BTBD8: variants seen among roughly 807,000 people sequenced by gnomAD.
BTBD8 encodes the protein BTB/POZ domain-containing protein 8.
BTBD8 carries 110 observed loss-of-function variants against 162.9 expected under a neutral mutation model. The ratio of observed to expected loss-of-function variants is 0.68; its 90% confidence interval spans 0.58 to 0.79. The LOEUF is 0.79. BTBD8 is among the 30% of genes least tolerant of loss of function. The pLI, the probability that BTBD8 is intolerant of heterozygous loss-of-function variation, is 0.00. For missense variants in BTBD8, 1,905 were observed against 2,085.4 expected, an observed-to-expected ratio of 0.91 and a Z score of 1.68; for synonymous variants, 667 against 716.1, an observed-to-expected ratio of 0.93 and a Z score of 1.10.
rs138363969 is a variant in BTBD8, at chr1:92,166,110, G to A, written c.1123-848G>A. Among the ~76,000 whole-genome samples the A allele has an allele frequency of 1.4e-3, 210 of 152,152 alleles. 1 individual carries two copies. The highest frequency in any genetic ancestry group is 4.8e-3 in the African/African-American group (199 of 41,472). ...CCATTTTCCATAGAGATCAATATTTGTGAATGTTTTTTTCCATAGTAATGA... is the reference window on the plus strand; with the variant it reads ...CCATTTTCCATAGAGATCAATATTTATGAATGTTTTTTTCCATAGTAATGA... On this transcript the variant is annotated intron_variant, in intron 9 of 17. Transcript: ENST00000636805.
At chr1:92,091,663 T>G (rs1442572261) in intron 2 of BTBD8, among the ~76,000 whole-genome samples, 1 of 152,104 alleles carries the variant, frequency 6.6e-6, no homozygotes, top group Non-Finnish European at 1.5e-5. Flanking sequence ...CCTAGGCTGG[T>G]CTCTTAACTC....
chr1:92,105,243 TATTTTTTA>T (rs1385633034), intron 3 of BTBD8, among the ~76,000 whole-genome samples: 1 of 151,908 alleles, frequency 6.6e-6, no homozygotes, highest in East Asian at 1.9e-4. Context: ...CTTATTTTTT[TATTTTTTA>T]AATTTTTATT....
chr1:92,176,854 G>A lies in BTBD8; in HGVS notation c.1661G>A (p.Gly554Asp), dbSNP rs1450186138. Residue 554 changes from glycine to aspartate, a missense_variant, in exon 14 of 18, where the codon GGT becomes GAT. Around this residue, in one of 3 missense-constraint regions of BTBD8, gnomAD observed 1,374 missense variants for 1,442.7 expected, o/e 0.95. Coordinates refer to ENST00000636805, the MANE Select transcript of BTBD8 (RefSeq NM_001376131.1). Reference protein sequence around the residue: ...SQQRKQVSDSGDIKIKSWRGN... With the variant: ...SQQRKQVSDSDDIKIKSWRGN... The stretch of plus-strand genomic sequence containing the variant: ...CAAAGGAAACAAGTTTCTGACTCTG[G>A]TGATATAAAAATCAAATCTTGGAGG... 5 of 1,455,482 alleles carry A rather than the reference G, an allele frequency of 3.4e-6. No homozygotes were observed. The highest frequency in any genetic ancestry group is 1.5e-5 in the South Asian group (1 of 66,838). The allele number at this position is 1,455,482 out of a possible 1,614,324, so 90.2% of individuals were successfully genotyped here. A position where few individuals can be genotyped will look rare whatever the true frequency, so the allele number is the denominator to read the frequency against.
chr1:92,122,265 AT>A (rs66837514), intron 4 of BTBD8, among the ~76,000 whole-genome samples: 105,951 of 146,676 alleles, frequency 0.72, 38,651 homozygotes, highest in East Asian at 0.96. Flanking sequence ...TATTATTATT[AT>A]TTTTTTTTTT....
chr1:92,181,410 C>T lies in BTBD8; in HGVS notation c.3727C>T (p.His1243Tyr). The change falls in exon 17 of 18, where the codon CAT becomes TAT. Residue 1243 changes from histidine to tyrosine, a missense_variant. By Grantham distance (83) the His-to-Tyr change is moderately conservative. Transcript: ENST00000636805. ...CTGGAATTTGAGTACTGGTGTTCTGCATCAGCGAGAGAGTCCTGAATCTGA... is the reference window on the plus strand; with the variant it reads ...CTGGAATTTGAGTACTGGTGTTCTGTATCAGCGAGAGAGTCCTGAATCTGA... ...GHWNLSTGVL[H>Y]QRESPESDTG... 1 of 1,551,654 alleles carries T rather than the reference C, an allele frequency of 6.4e-7. No individual in the cohort carries two copies.
rs1650613930 is a variant in BTBD8, at chr1:92,173,376, TATTATACG to T, written c.1635+1920_1635+1927del. ...GGGTCCCGACAACCCTTTTAAAGCA[TATTATACG>T]ATTCCACAGAACATACTCTAGGAAA... On this transcript the variant is annotated intron_variant, in intron 13 of 17. Transcript: ENST00000636805. 2.0e-5 allele frequency among the ~76,000 whole-genome samples: 3 copies of T among 152,238 alleles called. No individual in the cohort carries two copies. In the South Asian group the frequency reaches 6.2e-4, roughly 31 times the overall value.
At chr1:92,158,782 A>T (rs1002339660) in intron 9 of BTBD8, among the ~76,000 whole-genome samples, 1 of 151,818 alleles carries the variant, frequency 6.6e-6, no homozygotes, top group African/African-American at 2.4e-5. Flanking sequence ...AAAAAAATGA[A>T]AAAAAAAATT....
intron 9 of BTBD8, among the ~76,000 whole-genome samples, chr1:92,165,806 GCCT>G (rs1650371237): frequency 6.6e-6 from 1 of 152,156 alleles, no homozygotes; most frequent in South Asian, 2.1e-4. Context: ...GCTTCTTGAG[GCCT>G]AGGCTCTAGA....
chr1:92,146,037 A>G (rs1649909996), intron 7 of BTBD8, among the ~76,000 whole-genome samples: 1 of 152,088 alleles, frequency 6.6e-6, no homozygotes, highest in African/African-American at 2.4e-5. Flanking sequence ...CTTATCTGAG[A>G]TCAATATAGG....
chr1:92,152,598 C>G (rs1229091471), intron 9 of BTBD8, among the ~76,000 whole-genome samples: 1 of 152,000 alleles, frequency 6.6e-6, no homozygotes, highest in East Asian at 1.9e-4. Context: ...GAAGATGAGT[C>G]TGGGGACAGG....
chr1:92,149,947 C>T (rs552065721), intron 9 of BTBD8, among the ~76,000 whole-genome samples: 3 of 152,274 alleles, frequency 2.0e-5, no homozygotes, highest in African/African-American at 4.8e-5. Flanking sequence ...CCCAACATTA[C>T]GTCCATCTTT....
rs1651022833 is a variant in BTBD8 at position 92,184,352 on chromosome 1, T to G, written c.*22T>G. 2 of 1,446,086 alleles carry G rather than the reference T, an allele frequency of 1.4e-6. No homozygotes were observed. Among genetic ancestry groups the G allele is most frequent in the East Asian group, 2.5e-5 (1 of 40,218 alleles). The allele number at this position is 1,446,086 out of a possible 1,614,324, so 89.6% of individuals were successfully genotyped here. A position where few individuals can be genotyped will look rare whatever the true frequency, so the allele number is the denominator to read the frequency against. On this transcript the variant is annotated 3_prime_UTR_variant, in exon 18 of 18. Transcript: ENST00000636805. ...TTAAGTGTTAACATTTTGGAAAAAT[T>G]TATGCCACTCCTTTATTTTTTGATG...
Position 92,141,108 on chromosome 1 carries a change from A to G in BTBD8, c.834-7A>G. 1 of 1,540,110 alleles carries G rather than the reference A, an allele frequency of 6.5e-7. No individual in the cohort carries two copies. Among genetic ancestry groups the G allele is most frequent in the Non-Finnish European group, 8.7e-7 (1 of 1,146,122 alleles). On this transcript the variant is annotated splice_region_variant and splice_polypyrimidine_tract_variant and intron_variant, in intron 6 of 17. Coordinates refer to ENST00000636805, the MANE Select transcript of BTBD8 (RefSeq NM_001376131.1). ...GAGAATTAACAGTGCATCTATTTTT[A>G]TTTTAGTCAGATACTCAATATGGCT...
chr1:92,183,787 T>A, intron 17 of BTBD8, 77 bp from the exon 18 acceptor site: 1 of 832,240 alleles, frequency 1.2e-6, no homozygotes, highest in Non-Finnish European at 1.8e-6. Flanking sequence ...CACTGTTATA[T>A]TGTGTTAATA....
intron 9 of BTBD8, among the ~76,000 whole-genome samples, chr1:92,160,490 G>T (rs142697528): frequency 2.6e-5 from 4 of 152,070 alleles, no homozygotes; most frequent in East Asian, 1.9e-4. Context: ...TACAGGAGAA[G>T]ACCCTTACTA....
chr1:92,139,661 A>C (rs1365152444), intron 6 of BTBD8: 3 of 668,542 alleles, frequency 4.5e-6, no homozygotes, highest in Non-Finnish European at 5.4e-6. Flanking sequence ...TATTAGACTT[A>C]AATTTAGAAG....
chr1:92,170,497 A>G (rs1261131271), intron 12 of BTBD8, among the ~76,000 whole-genome samples: 1 of 152,070 alleles, frequency 6.6e-6, no homozygotes, highest in Non-Finnish European at 1.5e-5. Flanking sequence ...CTTACTGCAA[A>G]TCAGTCCTAT....
intron 6 of BTBD8, chr1:92,140,062 A>G: frequency 6.7e-6 from 1 of 149,292 alleles, no homozygotes; most frequent in Non-Finnish European, 1.5e-5. Flanking sequence ...GTGAGCCAAG[A>G]TCATGCCACT....
In BTBD8 at chr1:92,097,140, A is replaced by T. The variant is rs896504126; in HGVS notation, c.348-5333A>T. Reference sequence around the variant, plus strand: ...GATCTCATCCTATTCCTTTTCACCTAGTCTGGGACATTGTTCCAGCAGTTT... The same window carrying T: ...GATCTCATCCTATTCCTTTTCACCTTGTCTGGGACATTGTTCCAGCAGTTT... On this transcript the variant is annotated intron_variant, in intron 2 of 17. Coordinates refer to ENST00000636805, the MANE Select transcript of BTBD8 (RefSeq NM_001376131.1). 7.3e-5 allele frequency among the ~76,000 whole-genome samples: 11 copies of T among 151,280 alleles called. No homozygotes were observed. The East Asian group carries it at 2.2e-3, about 30-fold the overall frequency.
Sources: gnomAD v4.1 joint callset for allele counts (sites outside exome capture counted in the v4.1 genomes callset) on GRCh38, gnomAD v4.1.1 for gene constraint, gnomAD v4.1.1 regional missense constraint, MANE v1.5 for transcripts, NCBI Gene and HGNC (gene_info 2026-07-23, HGNC 2026-07-21) for gene names.